PHF20: variants seen among roughly 807,000 people sequenced by gnomAD.
PHF20 encodes the protein glioma-expressed antigen 2.
Under a neutral mutation model 113.5 loss-of-function variants are expected in PHF20, and 23 were observed. The ratio of observed to expected loss-of-function variants is 0.20; its 90% CI spans 0.15 to 0.29. The LOEUF (loss-of-function observed/expected upper bound fraction) is 0.29, where lower values mean the gene tolerates loss of function less well. Among genes scored for constraint, PHF20 ranks in the 10% least tolerant of loss-of-function variants. The probability of loss-of-function intolerance (pLI) is 1.00; values close to 1 mark genes in which losing one functional copy is unlikely to be tolerated. For missense variants in PHF20, 943 were observed against 1,219.6 expected, an observed-to-expected ratio of 0.77 and a Z score of 3.38; for synonymous variants, 434 against 457.3, an observed-to-expected ratio of 0.95 and a Z score of 0.65.
intron 3 of PHF20, among the ~76,000 whole-genome samples, chr20:35,843,622 G>A (rs1001642069): frequency 6.6e-6 from 1 of 151,344 alleles, no homozygotes; most frequent in African/African-American, 2.4e-5. Flanking sequence ...TTGCTCTGTT[G>A]CCCAGACGGG....
At chr20:35,772,448 G>T (rs1179326495) in intron 1 of PHF20, among the ~76,000 whole-genome samples, 2 of 152,314 alleles carry the variant, frequency 1.3e-5, no homozygotes, top group Admixed American at 1.3e-4. Context: ...GGCACCTAGA[G>T]CCTCATCAGC....
At chr20:35,944,179 G>A (rs1271852116) in intron 17 of PHF20, among the ~76,000 whole-genome samples, 1 of 152,142 alleles carries the variant, frequency 6.6e-6, no homozygotes, top group Non-Finnish European at 1.5e-5. Flanking sequence ...ACATGGTATG[G>A]AGAGGGTGGC....
chr20:35,911,665 T>C (rs1347594468), intron 10 of PHF20, among the ~76,000 whole-genome samples: 2 of 152,158 alleles, frequency 1.3e-5, no homozygotes. Context: ...ATTTTTTTGT[T>C]TGTTTGTTTT....
intron 2 of PHF20, among the ~76,000 whole-genome samples, chr20:35,812,281 A>T (rs565602717): frequency 6.6e-6 from 1 of 152,220 alleles, no homozygotes; most frequent in South Asian, 2.1e-4. Context: ...CAGGATCCAC[A>T]TTACTTTTTT....
At chr20:35,933,894 G>A (rs1292080307) in intron 15 of PHF20, among the ~76,000 whole-genome samples, 1 of 152,200 alleles carries the variant, frequency 6.6e-6, no homozygotes, top group Admixed American at 6.5e-5. Flanking sequence ...CCTTGAGTGG[G>A]GTAGGCCTCT....
At chr20:35,857,863 C>T (rs1008269860) in intron 4 of PHF20, among the ~76,000 whole-genome samples, 17 of 152,088 alleles carry the variant, frequency 1.1e-4, no homozygotes, top group Non-Finnish European at 2.4e-4. Flanking sequence ...GGATTACAGG[C>T]GTGAGCCATG....
chr20:35,889,569 G>A (rs866726514), intron 9 of PHF20, among the ~76,000 whole-genome samples: 4 of 151,624 alleles, frequency 2.6e-5, no homozygotes, highest in African/African-American at 9.7e-5. Flanking sequence ...CACCATGTTG[G>A]CCAGGCTGGT....
In PHF20 at chr20:35,838,993, C is replaced by CA. The variant is rs796705349; in HGVS notation, c.84-3563dup. 6.0e-3 allele frequency among the ~76,000 whole-genome samples: 518 copies of CA among 86,128 alleles called. 2 individuals carry two copies. Among genetic ancestry groups the CA allele is most frequent in the South Asian group, 0.016 (43 of 2,688 alleles). The allele number at this position is 86,128 out of a possible 152,430, so 56.5% of individuals were successfully genotyped here. ...TGGGAAACAGAGCGAGACCCTGTCT[C>CA]AAAAAAAAAAAAAAAAAGTGATTTC... On this transcript the variant is annotated intron_variant, in intron 2 of 17. Transcript: ENST00000374012.
chr20:35,775,478 T>C (rs1380376227), intron 1 of PHF20, among the ~76,000 whole-genome samples: 1 of 152,078 alleles, frequency 6.6e-6, no homozygotes, highest in African/African-American at 2.4e-5. Context: ...CAAAACTGGC[T>C]GGGCACGGTG....
At position 35,791,463 on chromosome 20, in the gene PHF20, ATCTATCTATCTATCTATCT is replaced by A. The variant is rs1569120225; in HGVS notation, c.-32-10027_-32-10009del. On this transcript the variant is annotated intron_variant, in intron 1 of 17. Coordinates refer to ENST00000374012, the MANE Select transcript of PHF20 (RefSeq NM_016436.5). The stretch of plus-strand genomic sequence containing the variant: ...ATAGTATCTATCTATCTATCTATCT[ATCTATCTATCTATCTATCT>A]ATCTATCTATCTATCTATCTTAGAA... Among the ~76,000 whole-genome samples the A allele has an allele frequency of 3.0e-3, 439 of 145,072 alleles. 3 individuals carry two copies. Among genetic ancestry groups the A allele is most frequent in the African/African-American group, 0.01 (398 of 39,132 alleles).
intron 9 of PHF20, among the ~76,000 whole-genome samples, chr20:35,884,303 G>A (rs903371221): frequency 6.6e-6 from 1 of 152,192 alleles, no homozygotes; most frequent in Non-Finnish European, 1.5e-5. Context: ...TTTAAACCGA[G>A]ATGGAGTCAC....
chr20:35,863,325 A>G lies in PHF20; in HGVS notation c.733A>G (p.Ile245Val), dbSNP rs2054253473. ...AQVDKKPEND[I>V]VKSPQENLRE... Reference sequence around the variant, plus strand: ...AGTGGATAAGAAACCTGAAAATGACATTGTGAAGAGTCCACAAGAAAACTT... The same window carrying G: ...AGTGGATAAGAAACCTGAAAATGACGTTGTGAAGAGTCCACAAGAAAACTT... The change falls in exon 6 of 18, where the codon ATT becomes GTT. Residue 245 changes from isoleucine to valine, a missense_variant. This residue lies in a region of PHF20 where 592 missense variants were observed against 787.2 expected (regional missense o/e 0.75). Transcript: ENST00000374012. 1 of 1,613,884 alleles carries G rather than the reference A, an allele frequency of 6.2e-7. No individual in the cohort carries two copies. The highest frequency in any genetic ancestry group is 8.5e-7 in the Non-Finnish European group (1 of 1,179,960).
At position 35,839,484 on chromosome 20, in the gene PHF20, CTGAA is replaced by C. The variant is rs527548275; in HGVS notation, c.84-3081_84-3078del. ...GAGAGGTTTACTAGCCTCAGGTAGG[CTGAA>C]TGAATGAGAGGGTAAGAGATATATA... On this transcript the variant is annotated intron_variant, in intron 2 of 17. Transcript: ENST00000374012. Among the ~76,000 whole-genome samples, 71 of 151,704 alleles carry C rather than the reference CTGAA, an allele frequency of 4.7e-4. No individual in the cohort carries two copies. In the East Asian group the frequency reaches 0.012, roughly 26 times the overall value.
At chr20:35,897,123 T>C (rs1332380092) in intron 9 of PHF20, among the ~76,000 whole-genome samples, 1 of 152,154 alleles carries the variant, frequency 6.6e-6, no homozygotes, top group Non-Finnish European at 1.5e-5. Context: ...AGCCTCAACC[T>C]GCTGGGCTCA....
At chr20:35,812,629 T>A (rs1423515570) in intron 2 of PHF20, among the ~76,000 whole-genome samples, 1 of 152,172 alleles carries the variant, frequency 6.6e-6, no homozygotes, top group African/African-American at 2.4e-5. Context: ...GCAGAGTGTT[T>A]CAGTGGTAAT....
At chr20:35,926,371 G>A in intron 13 of PHF20, among the ~76,000 whole-genome samples, 1 of 150,664 alleles carries the variant, frequency 6.6e-6, no homozygotes, top group East Asian at 2.0e-4. Context: ...CCGAGTAGCT[G>A]GGACTACAGG....
chr20:35,810,920 A>G (rs892931503), intron 2 of PHF20, among the ~76,000 whole-genome samples: 1 of 152,134 alleles, frequency 6.6e-6, no homozygotes, highest in African/African-American at 2.4e-5. Flanking sequence ...ATTTGCTTAC[A>G]TTATAGTAGA....
In PHF20 at chr20:35,941,069, C is replaced by T; in HGVS notation, c.2896+22C>T. On this transcript the variant is annotated intron_variant, in intron 17 of 17. Transcript: ENST00000374012. The stretch of plus-strand genomic sequence containing the variant: ...GATGGTAGGGCTCCTTCATTGGCCC[C>T]CTGTGCATTGGCATGCAGTCGAGCA... 3 of 1,603,838 alleles carry T rather than the reference C, an allele frequency of 1.9e-6. No individual in the cohort carries two copies. In the East Asian group the frequency reaches 6.7e-5, roughly 36 times the overall value.
At chr20:35,854,503 T>C (rs969510788) in intron 4 of PHF20, among the ~76,000 whole-genome samples, 5 of 152,212 alleles carry the variant, frequency 3.3e-5, no homozygotes, top group African/African-American at 1.2e-4. Flanking sequence ...AGACAATCTT[T>C]TAGTAATATA....
Sources: gnomAD v4.1 joint callset for allele counts (sites outside exome capture counted in the v4.1 genomes callset) on GRCh38, gnomAD v4.1.1 for gene constraint, gnomAD v4.1.1 regional missense constraint, MANE v1.5 for transcripts, NCBI Gene and HGNC (gene_info 2026-07-23, HGNC 2026-07-21) for gene names.